The following GALNTL6 variants were observed in gnomAD, a reference collection of about 807,000 sequenced individuals.
The protein encoded by GALNTL6 is polypeptide N-acetylgalactosaminyltransferase-like 6.
GALNTL6 carries 46 observed loss-of-function variants against 73.7 expected under a neutral mutation model. The observed-to-expected ratio is 0.62, with a 90% confidence interval of 0.49 to 0.80. The LOEUF (loss-of-function observed/expected upper bound fraction) is 0.80, where lower values mean the gene tolerates loss of function less well. Ranked by LOEUF, GALNTL6 falls within the 30% of genes least tolerant of loss-of-function variation. GALNTL6 has a pLI of 0.00. For missense variants in GALNTL6, 604 were observed against 755.0 expected, an observed-to-expected ratio of 0.80 and a Z score of 2.34; for synonymous variants, 259 against 263.7, an observed-to-expected ratio of 0.98 and a Z score of 0.17.
intron 5 of GALNTL6, among the ~76,000 whole-genome samples, chr4:172,796,276 G>GTCACTGGCGTTTATTGAGTACTT (rs1740258559): frequency 6.6e-6 from 1 of 152,100 alleles, no homozygotes; most frequent in Admixed American, 6.6e-5. Context: ...CTGACACATA[G>GTCACTGGCGTTTATTGAGTACTT]TCACTGGCGT....
At chr4:172,772,330 C>T (rs1289430179) in intron 5 of GALNTL6, among the ~76,000 whole-genome samples, 1 of 152,098 alleles carries the variant, frequency 6.6e-6, no homozygotes, top group African/African-American at 2.4e-5. Context: ...GTCTTCTCAG[C>T]ACGTTCAGAG....
At chr4:172,963,426 T>A (rs540539536) in intron 10 of GALNTL6, among the ~76,000 whole-genome samples, 24 of 152,348 alleles carry the variant, frequency 1.6e-4, no homozygotes, top group Non-Finnish European at 3.2e-4. Flanking sequence ...TTTATTTTTT[T>A]ATCATGTTTC....
At chr4:172,094,449 G>GA (rs903858146) in intron 2 of GALNTL6, among the ~76,000 whole-genome samples, 3 of 151,858 alleles carry the variant, frequency 2.0e-5, no homozygotes, top group Non-Finnish European at 4.4e-5. Context: ...CAAAATTGGG[G>GA]AAAAAACTTA....
intron 5 of GALNTL6, among the ~76,000 whole-genome samples, chr4:172,679,170 G>A (rs994616526): frequency 2.0e-5 from 3 of 152,070 alleles, no homozygotes; most frequent in Non-Finnish European, 1.5e-5. Flanking sequence ...CCAGCAGTTC[G>A]GGAGGCCAAG....
chr4:172,943,709 C>T (rs564053612), intron 9 of GALNTL6, among the ~76,000 whole-genome samples: 2 of 152,262 alleles, frequency 1.3e-5, no homozygotes, highest in African/African-American at 2.4e-5. Flanking sequence ...GCAAATCATA[C>T]ATCTGATAAG....
At chr4:172,938,523 A>G (rs1748744344) in intron 9 of GALNTL6, among the ~76,000 whole-genome samples, 1 of 152,256 alleles carries the variant, frequency 6.6e-6, no homozygotes, top group African/African-American at 2.4e-5. Flanking sequence ...ATATCTGAAA[A>G]TAAAATCACC....
rs1257447342 is a variant in GALNTL6 at position 172,309,334 on chromosome 4, T to G, written c.248-2280T>G. Among the ~76,000 whole-genome samples, 4 of 152,230 alleles carry G rather than the reference T, an allele frequency of 2.6e-5. No homozygotes were observed. The East Asian group carries it at 5.8e-4, about 22-fold the overall frequency. On this transcript the variant is annotated intron_variant, in intron 3 of 12. Transcript: ENST00000506823. ...CAAATTTTCTAACAAAATCTTGAAT[T>G]CTAGTAATACAAAATGAATAACATG...
intron 5 of GALNTL6, among the ~76,000 whole-genome samples, chr4:172,640,343 T>G (rs1053663733): frequency 5.9e-5 from 9 of 152,144 alleles, no homozygotes; most frequent in South Asian, 4.1e-4. Flanking sequence ...TTTTACTCAT[T>G]CAAGCCTTCA....
intron 2 of GALNTL6, among the ~76,000 whole-genome samples, chr4:172,120,866 T>G (rs1040062910): frequency 6.6e-6 from 1 of 151,524 alleles, no homozygotes; most frequent in East Asian, 1.9e-4. Flanking sequence ...AGTTGGAGAG[T>G]TTTTGGTCTC....
intron 5 of GALNTL6, among the ~76,000 whole-genome samples, chr4:172,350,626 C>T (rs963250216): frequency 6.6e-6 from 1 of 151,994 alleles, no homozygotes; most frequent in Non-Finnish European, 1.5e-5. Flanking sequence ...TTCTTATGAG[C>T]AATCAAATTG....
intron 2 of GALNTL6, among the ~76,000 whole-genome samples, chr4:171,852,559 T>C (rs1261483095): frequency 6.6e-6 from 1 of 151,678 alleles, no homozygotes; most frequent in African/African-American, 2.4e-5. Flanking sequence ...GCTTTCTTTA[T>C]ATTTATTTAT....
chr4:172,572,553 A>T (rs933479594), intron 5 of GALNTL6, among the ~76,000 whole-genome samples: 1 of 152,152 alleles, frequency 6.6e-6, no homozygotes, highest in Non-Finnish European at 1.5e-5. Context: ...AGTTTTTTAC[A>T]TAAATAATTC....
At chr4:172,379,818 A>G (rs1743209783) in intron 5 of GALNTL6, among the ~76,000 whole-genome samples, 1 of 152,178 alleles carries the variant, frequency 6.6e-6, no homozygotes. Flanking sequence ...CCAACAGTCC[A>G]GACGATACTT....
At chr4:173,003,466 G>A (rs1052609034) in intron 10 of GALNTL6, among the ~76,000 whole-genome samples, 1 of 152,164 alleles carries the variant, frequency 6.6e-6, no homozygotes, top group African/African-American at 2.4e-5. Context: ...ATAGAAATGT[G>A]ATTTGGCCAT....
At chr4:172,314,270 C>A (rs1055835888) in intron 4 of GALNTL6, among the ~76,000 whole-genome samples, 1 of 152,042 alleles carries the variant, frequency 6.6e-6, no homozygotes, top group Admixed American at 6.6e-5. Context: ...GAAACTTTTC[C>A]TTTTCAGTAA....
intron 2 of GALNTL6, chr4:172,052,623 G>A: frequency 1.4e-6 from 1 of 739,160 alleles, no homozygotes; most frequent in Non-Finnish European, 2.2e-6. Flanking sequence ...CAGGACTTTA[G>A]GGTCACGTAG....
chr4:171,817,985 T>G (rs1459612133), intron 2 of GALNTL6, among the ~76,000 whole-genome samples: 1 of 151,586 alleles, frequency 6.6e-6, no homozygotes, highest in Non-Finnish European at 1.5e-5. Flanking sequence ...TCTTTTTTTG[T>G]TATTGGGATG....
intron 2 of GALNTL6, among the ~76,000 whole-genome samples, chr4:171,826,096 A>C (rs1279916302): frequency 1.3e-5 from 2 of 152,220 alleles, no homozygotes; most frequent in African/African-American, 4.8e-5. Context: ...CCTGAAAAGA[A>C]TCATTCCACA....
intron 2 of GALNTL6, among the ~76,000 whole-genome samples, chr4:172,214,519 CT>C (rs34845361): frequency 0.016 from 2,214 of 142,512 alleles, 40 homozygotes; most frequent in African/African-American, 0.052. Context: ...ATTTCTTTTC[CT>C]TTTTTTTTTT....
Sources: gnomAD v4.1 joint callset for allele counts (sites outside exome capture counted in the v4.1 genomes callset) on GRCh38, gnomAD v4.1.1 for gene constraint, MANE v1.5 for transcripts, NCBI Gene and HGNC (gene_info 2026-07-23, HGNC 2026-07-21) for gene names.